BBS9: variants seen among roughly 807,000 people sequenced by gnomAD.
BBS9 encodes Bardet-Biedl syndrome 9.
A neutral mutation model predicts 117.7 loss-of-function variants in BBS9; 89 were observed. The observed-to-expected ratio is 0.76, with a 90% CI of 0.64 to 0.90. BBS9 has a LOEUF of 0.90. Among genes scored for constraint, BBS9 ranks in the 40% least tolerant of loss-of-function variants. The probability of loss-of-function intolerance (pLI) is 0.00; values close to 1 mark genes in which losing one functional copy is unlikely to be tolerated. For missense variants in BBS9, 982 were observed against 1,042.2 expected, an observed-to-expected ratio of 0.94 and a Z score of 0.80; for synonymous variants, 379 against 370.9, an observed-to-expected ratio of 1.02 and a Z score of -0.25.
At chr7:33,365,694 C>T (rs1441125888) in intron 16 of BBS9, among the ~76,000 whole-genome samples, 2 of 152,160 alleles carry the variant, frequency 1.3e-5, no homozygotes, top group African/African-American at 4.8e-5. Flanking sequence ...TGTAAAGGGA[C>T]TTTGGTTCTG....
At chr7:33,146,184 A>T in intron 1 of BBS9, 58 bp from the exon 2 acceptor site, 1 of 1,194,928 alleles carries the variant, frequency 8.4e-7, no homozygotes, top group South Asian at 1.2e-5. Context: ...GCTATGCCTT[A>T]AGACATAATT....
rs570371932 is a variant in BBS9 at position 33,457,066 on chromosome 7, C to A, written c.2116-48397C>A. The stretch of plus-strand genomic sequence containing the variant: ...CCCCTAAGAGGGGGCCATACGTGTA[C>A]GTCAGACTATTTTAAAGCTAGTCCT... On this transcript the variant is annotated intron_variant, in intron 19 of 22. Transcript: ENST00000242067. Among the ~76,000 whole-genome samples, 49 of 152,224 alleles carry A rather than the reference C, an allele frequency of 3.2e-4. No individual in the cohort carries two copies. The South Asian group carries it at 8.3e-3, about 26-fold the overall frequency.
At chr7:33,596,285 C>T (rs1438628499) in intron 21 of BBS9, among the ~76,000 whole-genome samples, 2 of 135,268 alleles carry the variant, frequency 1.5e-5, no homozygotes, top group Non-Finnish European at 3.0e-5. Context: ...CACACACACA[C>T]ACACACACAC....
chr7:33,634,640 C>T (rs1424630971), intron 21 of BBS9, among the ~76,000 whole-genome samples: 3 of 152,178 alleles, frequency 2.0e-5, no homozygotes, highest in East Asian at 1.9e-4. Flanking sequence ...GGCTGTGTCA[C>T]GTAAAACAGA....
intron 1 of BBS9, among the ~76,000 whole-genome samples, chr7:33,140,918 A>T (rs1791352002): frequency 6.6e-6 from 1 of 152,226 alleles, no homozygotes; most frequent in Non-Finnish European, 1.5e-5. Flanking sequence ...TTCTTAGCAT[A>T]AGCAGAGTAC....
At chr7:33,160,028 T>A in intron 4 of BBS9, among the ~76,000 whole-genome samples, 1 of 152,136 alleles carries the variant, frequency 6.6e-6, no homozygotes, top group East Asian at 1.9e-4. Flanking sequence ...CATTTCTCCA[T>A]GGCCAACAAG....
chr7:33,288,384 C>T (rs1056765277), intron 9 of BBS9, among the ~76,000 whole-genome samples: 2 of 152,110 alleles, frequency 1.3e-5, no homozygotes, highest in African/African-American at 4.8e-5. Flanking sequence ...GAGACTGCTA[C>T]ATTGTGGTGC....
chr7:33,598,700 A>G (rs910756799), intron 21 of BBS9, among the ~76,000 whole-genome samples: 5 of 152,244 alleles, frequency 3.3e-5, no homozygotes, highest in Non-Finnish European at 5.9e-5. Flanking sequence ...TTACCCAACA[A>G]GAAAGAACAT....
At chr7:33,144,234 T>A (rs527966359) in intron 1 of BBS9, among the ~76,000 whole-genome samples, 9 of 152,298 alleles carry the variant, frequency 5.9e-5, no homozygotes, top group Middle Eastern at 3.4e-3. Context: ...TACAGCCAAT[T>A]TCTTGGCCAA....
At chr7:33,222,952 CAA>C (rs1417016025) in intron 5 of BBS9, among the ~76,000 whole-genome samples, 48 of 125,420 alleles carry the variant, frequency 3.8e-4, no homozygotes, top group Non-Finnish European at 4.1e-4. Flanking sequence ...GACCCTGTCT[CAA>C]AAAAAAAAAA....
chr7:33,307,253 T>G (rs959962957), intron 9 of BBS9, among the ~76,000 whole-genome samples: 4 of 152,196 alleles, frequency 2.6e-5, no homozygotes, highest in Non-Finnish European at 5.9e-5. Flanking sequence ...TGAAGTCATT[T>G]GAACCCAAAG....
At chr7:33,561,383 T>C (rs1856062463) in intron 21 of BBS9, among the ~76,000 whole-genome samples, 1 of 152,194 alleles carries the variant, frequency 6.6e-6, no homozygotes, top group African/African-American at 2.4e-5. Context: ...TTCTGAGTCC[T>C]GCTCTGCCAA....
At chr7:33,568,586 T>C (rs1025551017) in intron 21 of BBS9, among the ~76,000 whole-genome samples, 2 of 152,220 alleles carry the variant, frequency 1.3e-5, no homozygotes, top group Non-Finnish European at 2.9e-5. Context: ...GTTGAGTGTA[T>C]GCATGAATTA....
At chr7:33,489,073 A>G (rs1352834495) in intron 19 of BBS9, among the ~76,000 whole-genome samples, 1 of 146,462 alleles carries the variant, frequency 6.8e-6, no homozygotes, top group Admixed American at 6.9e-5. Flanking sequence ...GCTCACTGCA[A>G]CCTCCGCCTC....
chr7:33,264,288 A>C lies in BBS9; in HGVS notation c.618-2A>C, dbSNP rs551459361. The C allele has an allele frequency of 6.7e-7, 1 of 1,485,122 alleles. No individual in the cohort carries two copies. Among genetic ancestry groups the C allele is most frequent in the South Asian group, 1.5e-5 (1 of 65,266 alleles). The allele number at this position is 1,485,122 out of a possible 1,614,324, so 92.0% of individuals were successfully genotyped here. ...ATAATTTTTTAAATTTCTTTCATACAGGTACCAGGTACTTGCTTTTGCAAC... is the reference window on the plus strand; with the variant it reads ...ATAATTTTTTAAATTTCTTTCATACCGGTACCAGGTACTTGCTTTTGCAAC... On this transcript the variant is annotated splice_acceptor_variant, in intron 6 of 22. Coordinates refer to ENST00000242067, the MANE Select transcript of BBS9 (RefSeq NM_198428.3). LOFTEE classifies it high-confidence loss of function.
intron 18 of BBS9, among the ~76,000 whole-genome samples, chr7:33,384,560 C>A (rs768881011): frequency 3.9e-5 from 6 of 152,118 alleles, no homozygotes; most frequent in Non-Finnish European, 8.8e-5. Flanking sequence ...GTATTCCAGT[C>A]ATCAGGCTCC....
chr7:33,604,735 C>A lies in BBS9; in HGVS notation c.2522-130C>A, dbSNP rs1005794768. 3.0e-5 allele frequency: 22 copies of A among 734,094 alleles called. No homozygotes were observed. The African/African-American group carries it at 3.5e-4, about 12-fold the overall frequency. 45.5% of individuals were successfully genotyped at this position (734,094 alleles called of 1,614,324 possible). Reference sequence around the variant, plus strand: ...AACATTTAAGGTTATTCTTTTCAGGCCACTCCTGAAGATTGTTGTCACGTC... The same window carrying A: ...AACATTTAAGGTTATTCTTTTCAGGACACTCCTGAAGATTGTTGTCACGTC... On this transcript the variant is annotated intron_variant, in intron 21 of 22. Coordinates refer to ENST00000242067, the MANE Select transcript of BBS9 (RefSeq NM_198428.3).
At chr7:33,307,923 T>C (rs1442373256) in intron 9 of BBS9, among the ~76,000 whole-genome samples, 4 of 152,182 alleles carry the variant, frequency 2.6e-5, no homozygotes, top group Non-Finnish European at 5.9e-5. Context: ...CACTTTATAC[T>C]CTCCAAAAGT....
chr7:33,164,563 T>G (rs1795365174), intron 4 of BBS9, among the ~76,000 whole-genome samples: 1 of 152,236 alleles, frequency 6.6e-6, no homozygotes, highest in African/African-American at 2.4e-5. Flanking sequence ...CTTGTTGAAT[T>G]GATCCCTTTA....
Sources: allele counts gnomAD v4.1 joint callset (sites outside exome capture counted in the v4.1 genomes callset), GRCh38; gene constraint gnomAD v4.1.1; transcripts MANE v1.5; gene names NCBI Gene and HGNC (gene_info 2026-07-23, HGNC 2026-07-21).